Variants in MTUS2 observed in about 807,000 individuals in gnomAD.
MTUS2 encodes the protein microtubule-associated tumor suppressor candidate 2.
A neutral mutation model predicts 114.1 loss-of-function variants in MTUS2; 40 were observed. The ratio of observed to expected loss-of-function variants is 0.35; its 90% CI spans 0.27 to 0.46. The LOEUF (loss-of-function observed/expected upper bound fraction) is 0.46, where lower values mean the gene tolerates loss of function less well. Among genes scored for constraint, MTUS2 ranks in the 20% least tolerant of loss-of-function variants. MTUS2 has a pLI of 1.00. For synonymous variants in MTUS2, 688 were observed against 672.0 expected (o/e 1.02, Z -0.37); for missense variants, 1,679 against 1,705.4 (o/e 0.98, Z 0.27).
chr13:29,213,522 A>G lies in MTUS2; in HGVS notation c.2645-68182A>G, dbSNP rs138893367. ...TCCTCCATATATTCTGAAGCTCTGT[A>G]AGGTATATAAAGTTTTAGTTTTATC... is the stretch of plus-strand genomic sequence containing the variant. On this transcript the variant is annotated intron_variant, in intron 5 of 15. Coordinates refer to ENST00000612955, the MANE Select transcript of MTUS2 (RefSeq NM_001033602.4). Among the ~76,000 whole-genome samples the G allele has an allele frequency of 9.5e-4, 145 of 152,312 alleles. 1 individual carries two copies. The East Asian group carries it at 0.024, about 26-fold the overall frequency.
At chr13:29,267,713 T>A (rs1167046650) in intron 5 of MTUS2, among the ~76,000 whole-genome samples, 1 of 152,100 alleles carries the variant, frequency 6.6e-6, no homozygotes, top group East Asian at 1.9e-4. Context: ...TCACGAGATC[T>A]AAGGGATGAA....
intron 4 of MTUS2, among the ~76,000 whole-genome samples, chr13:29,094,007 C>CATT (rs1386565912): frequency 2.0e-5 from 3 of 152,060 alleles, no homozygotes; most frequent in African/African-American, 7.2e-5. Flanking sequence ...TGGTATAGTA[C>CATT]ATGGATTAAT....
At chr13:29,371,526 T>G (rs13378597) in intron 8 of MTUS2, among the ~76,000 whole-genome samples, 30,998 of 152,142 alleles carry the variant, frequency 0.2, 3,261 homozygotes, top group Middle Eastern at 0.25. Context: ...CCTCTTCACA[T>G]TAACCTTTTG....
intron 5 of MTUS2, among the ~76,000 whole-genome samples, chr13:29,130,917 A>C (rs1887749): frequency 0.64 from 97,271 of 152,106 alleles, 32,280 homozygotes; most frequent in Non-Finnish European, 0.74. Flanking sequence ...AACTACTGCA[A>C]CCAGCCTATT....
At position 28,963,133 on chromosome 13, in the gene MTUS2, C is replaced by T. The variant is rs139989166; in HGVS notation, c.-242-61324C>T. Among the ~76,000 whole-genome samples, 537 of 152,174 alleles carry T rather than the reference C, an allele frequency of 3.5e-3. 2 individuals carry two copies. Among genetic ancestry groups the T allele is most frequent in the African/African-American group, 0.012 (516 of 41,522 alleles). Reference sequence around the variant, plus strand: ...TTGGGAGGCCGAGACAGACGGATCACGAGGTCAGGAGATCGAGACCATCCT... The same window carrying T: ...TTGGGAGGCCGAGACAGACGGATCATGAGGTCAGGAGATCGAGACCATCCT... On this transcript the variant is annotated intron_variant, in intron 2 of 15. Coordinates refer to ENST00000612955, the MANE Select transcript of MTUS2 (RefSeq NM_001033602.4).
At chr13:29,160,795 G>A (rs1488440685) in intron 5 of MTUS2, among the ~76,000 whole-genome samples, 1 of 151,942 alleles carries the variant, frequency 6.6e-6, no homozygotes, top group African/African-American at 2.4e-5. Context: ...AATTATATCT[G>A]GATTTTCAAC....
intron 7 of MTUS2, among the ~76,000 whole-genome samples, chr13:29,341,690 T>C (rs1901409614): frequency 6.6e-6 from 1 of 152,172 alleles, no homozygotes; most frequent in South Asian, 2.1e-4. Flanking sequence ...CATTTGCTTT[T>C]GGGTTCGTGG....
chr13:29,453,689 A>G (rs1252724536), intron 9 of MTUS2, among the ~76,000 whole-genome samples: 1 of 152,252 alleles, frequency 6.6e-6, no homozygotes, highest in Non-Finnish European at 1.5e-5. Context: ...ATTAATGACA[A>G]CATTGACTTA....
chr13:29,479,892 G>C (rs1372290237), intron 9 of MTUS2, among the ~76,000 whole-genome samples: 1 of 152,168 alleles, frequency 6.6e-6, no homozygotes, highest in East Asian at 1.9e-4. Context: ...TGCCTTCCCA[G>C]CTCCTTCTCC....
At chr13:29,146,702 A>G (rs1892447987) in intron 5 of MTUS2, among the ~76,000 whole-genome samples, 4 of 152,238 alleles carry the variant, frequency 2.6e-5, no homozygotes, top group Admixed American at 2.6e-4. Flanking sequence ...AAATGCCAGT[A>G]TAAAGACTTG....
At chr13:29,260,135 T>C (rs990509269) in intron 5 of MTUS2, among the ~76,000 whole-genome samples, 3 of 152,266 alleles carry the variant, frequency 2.0e-5, no homozygotes, top group Admixed American at 2.0e-4. Context: ...ATGCTTTCAG[T>C]GAATGAAATC....
At chr13:29,306,681 A>G (rs1899478314) in intron 6 of MTUS2, 1 of 251,122 alleles carries the variant, frequency 4.0e-6, no homozygotes, top group South Asian at 4.1e-5. Flanking sequence ...CATGGATAGA[A>G]AGAATCAATA....
intron 4 of MTUS2, among the ~76,000 whole-genome samples, chr13:29,076,365 C>G (rs962336492): frequency 6.6e-6 from 1 of 152,200 alleles, no homozygotes; most frequent in African/African-American, 2.4e-5. Context: ...ACAAATCACT[C>G]TAACGCTTAG....
intron 2 of MTUS2, among the ~76,000 whole-genome samples, chr13:28,881,612 C>A (rs7995681): frequency 0.086 from 13,090 of 152,172 alleles, 1,819 homozygotes; most frequent in African/African-American, 0.3. Context: ...TGAGCATTCC[C>A]TTTTCTCTGC....
At chr13:28,840,794 G>T (rs78313671) in intron 2 of MTUS2, among the ~76,000 whole-genome samples, 3,179 of 152,316 alleles carry the variant, frequency 0.021, 45 homozygotes, top group Middle Eastern at 0.034. Context: ...ACAAGAGTTT[G>T]AGGTTTGGCT....
chr13:29,127,234 C>G (rs1349376803), intron 5 of MTUS2, among the ~76,000 whole-genome samples: 1 of 152,138 alleles, frequency 6.6e-6, no homozygotes, highest in Non-Finnish European at 1.5e-5. Flanking sequence ...TCTGTCCTGT[C>G]CTTCCACACT....
At chr13:28,845,353 C>T (rs1344599019) in intron 2 of MTUS2, among the ~76,000 whole-genome samples, 1 of 152,210 alleles carries the variant, frequency 6.6e-6, no homozygotes, top group Non-Finnish European at 1.5e-5. Context: ...ATTTTCCTGA[C>T]ACTTTGACCA....
intron 5 of MTUS2, among the ~76,000 whole-genome samples, chr13:29,154,122 G>A (rs970478301): frequency 3.4e-4 from 51 of 152,090 alleles, no homozygotes; most frequent in Admixed American, 2.8e-3. Flanking sequence ...GTAGCTCACC[G>A]GTAGCCAACT....
chr13:29,017,555 A>G (rs988462825), intron 2 of MTUS2, among the ~76,000 whole-genome samples: 2 of 152,250 alleles, frequency 1.3e-5, no homozygotes, highest in East Asian at 1.9e-4. Flanking sequence ...AAAGTAAAGT[A>G]TTATGACAAA....
Sources: gnomAD v4.1 joint callset for allele counts (sites outside exome capture counted in the v4.1 genomes callset) on GRCh38, gnomAD v4.1.1 for gene constraint, MANE v1.5 for transcripts, NCBI Gene and HGNC (gene_info 2026-07-23, HGNC 2026-07-21) for gene names.